Variants in HECTD4 observed in about 807,000 individuals in gnomAD.
HECTD4 encodes HECT domain E3 ubiquitin protein ligase 4, also known as probable E3 ubiquitin-protein ligase HECTD4.
Under a neutral mutation model 471.5 loss-of-function variants are expected in HECTD4, and 114 were observed. The observed-to-expected ratio is 0.24, with a 90% confidence interval of 0.21 to 0.28. HECTD4 has a LOEUF of 0.28. Among genes scored for constraint, HECTD4 ranks in the 10% least tolerant of loss-of-function variants. HECTD4 has a pLI of 1.00. For synonymous variants in HECTD4, 2,012 were observed against 2,256.0 expected, an observed-to-expected ratio of 0.89 and a Z score of 3.07; for missense variants, 3,866 against 5,651.5, an observed-to-expected ratio of 0.68 and a Z score of 10.13.
intron 32 of HECTD4, among the ~76,000 whole-genome samples, chr12:112,240,466 T>TA (rs2033613780): frequency 6.6e-6 from 1 of 151,836 alleles, no homozygotes; most frequent in South Asian, 2.1e-4. Flanking sequence ...TTTTTTTTTT[T>TA]AGAGACAGGG....
At chr12:112,246,316 T>C (rs977662484) in intron 29 of HECTD4, among the ~76,000 whole-genome samples, 3 of 152,040 alleles carry the variant, frequency 2.0e-5, no homozygotes, top group Admixed American at 2.0e-4. Context: ...TATATGTTAC[T>C]ATGAAATATA....
Position 112,239,772 on chromosome 12 carries a change from T to A in HECTD4, c.5105+109A>T, listed in dbSNP as rs2033595004. 3.9e-6 allele frequency: 4 copies of A among 1,033,492 alleles called. No individual in the cohort carries two copies. The highest frequency in any genetic ancestry group is 4.1e-6 in the Non-Finnish European group (3 of 734,850). The allele number at this position is 1,033,492 out of a possible 1,614,324, so 64.0% of individuals were successfully genotyped here. ...AGGAGAAAAGTTTTGTATAGCTAGC[T>A]CTGGATAATGAAAGCAAAAAATCCA... On this transcript the variant is annotated intron_variant, in intron 33 of 75. Coordinates refer to ENST00000682272, the MANE Select transcript of HECTD4 (RefSeq NM_001388303.1). This position sits in a 1 kb window ranked among gnomAD's most constrained non-coding sequence, Gnocchi z 4.9.
At chr12:112,175,935 A>G in intron 65 of HECTD4, 76 bp from the exon 66 acceptor site, 1 of 1,557,978 alleles carries the variant, frequency 6.4e-7, no homozygotes, top group East Asian at 2.3e-5. Context: ...CTCTGCTCTC[A>G]CCACAGCCTC....
rs769538370 is a variant in HECTD4 at position 112,229,809 on chromosome 12, G to A, written c.6408C>T (p.Ser2136=). ...KYAESILENG[S]SSGRKLAKLQ... is the part of the protein sequence containing the mutation. The stretch of plus-strand genomic sequence containing the variant: ...GTTTGGCAAGTTTCCTGCCACTGCT[G>A]CTGCCATTTTCCAGAATGCTTTCTG... The change falls in exon 41 of 76, where the codon AGC becomes AGT. Residue 2136 remains serine, a synonymous_variant. Transcript: ENST00000682272. 1 of 1,613,982 alleles carries A rather than the reference G, an allele frequency of 6.2e-7. No homozygotes were observed. The highest frequency in any genetic ancestry group is 8.5e-7 in the Non-Finnish European group (1 of 1,179,882).
intron 70 of HECTD4, 51 bp from the exon 71 acceptor site, chr12:112,167,968 G>A (rs1051807079): frequency 2.2e-6 from 3 of 1,377,634 alleles, no homozygotes; most frequent in African/African-American, 1.4e-5. Flanking sequence ...GGCGGGAGGC[G>A]ACACCGTTCC....
intron 44 of HECTD4, among the ~76,000 whole-genome samples, chr12:112,225,992 T>C (rs2033223708): frequency 6.6e-6 from 1 of 152,286 alleles, no homozygotes; most frequent in African/African-American, 2.4e-5. Flanking sequence ...GGTGTTGTAG[T>C]TATTTAAGAT....
chr12:112,226,432 G>T (rs1184482157), intron 44 of HECTD4: 2 of 422,522 alleles, frequency 4.7e-6, no homozygotes, highest in Non-Finnish European at 8.4e-6. Context: ...AAAGTTAATT[G>T]AAAAATGCTG....
Position 112,283,156 on chromosome 12 carries a change from G to A in HECTD4, c.1482C>T (p.Ala494=), listed in dbSNP as rs1160091057. The change falls in exon 8 of 76, where the codon GCC becomes GCT. Residue 494 remains alanine, a synonymous_variant. Coordinates refer to ENST00000682272, the MANE Select transcript of HECTD4 (RefSeq NM_001388303.1). Reference sequence around the variant, plus strand: ...TGTTGGAGATGGTGGAACCAGTCAGGGCAGCAAGCGTTGCTGACGGGGAGG... The same window carrying A: ...TGTTGGAGATGGTGGAACCAGTCAGAGCAGCAAGCGTTGCTGACGGGGAGG... ...YRASPSATLA[A]LTGSTISNTL... 2.5e-6 allele frequency: 4 copies of A among 1,613,744 alleles called. No individual in the cohort carries two copies. The highest frequency in any genetic ancestry group is 2.5e-6 in the Non-Finnish European group (3 of 1,179,782).
Position 112,232,569 on chromosome 12 carries a change from G to T in HECTD4, c.5997+435C>A, listed in dbSNP as rs530320154. Reference sequence around the variant, plus strand: ...TTGACTTGTCTGACAGATGAAAAATGATATATTACTATTGTTTTTATTCCT... The same window carrying T: ...TTGACTTGTCTGACAGATGAAAAATTATATATTACTATTGTTTTTATTCCT... On this transcript the variant is annotated intron_variant, in intron 38 of 75. Coordinates refer to ENST00000682272, the MANE Select transcript of HECTD4 (RefSeq NM_001388303.1). 2.0e-5 allele frequency among the ~76,000 whole-genome samples: 3 copies of T among 152,258 alleles called. No individual in the cohort carries two copies. The South Asian group carries it at 6.2e-4, about 32-fold the overall frequency.
At chr12:112,226,203 ACACACT>A (rs370026686) in intron 44 of HECTD4, among the ~76,000 whole-genome samples, 26 of 146,554 alleles carry the variant, frequency 1.8e-4, no homozygotes, top group East Asian at 1.3e-3. Flanking sequence ...ACACACACAC[ACACACT>A]CACACACACA....
At chr12:112,253,033 C>T (rs2033928649) in intron 22 of HECTD4, among the ~76,000 whole-genome samples, 1 of 151,898 alleles carries the variant, frequency 6.6e-6, no homozygotes, top group African/African-American at 2.4e-5. Context: ...ACGCTGGTCT[C>T]AAATTCTTGG....
At chr12:112,313,189 T>C (rs1480195740) in intron 3 of HECTD4, 42 bp from the exon 4 acceptor site, 1 of 1,487,224 alleles carries the variant, frequency 6.7e-7, no homozygotes. Context: ...ACTGAGACAA[T>C]CCATTTCAGC....
At chr12:112,346,162 C>T (rs2036146081) in intron 1 of HECTD4, among the ~76,000 whole-genome samples, 1 of 152,184 alleles carries the variant, frequency 6.6e-6, no homozygotes, top group Admixed American at 6.5e-5. Context: ...CCAAGGTTAC[C>T]TCACTTGTAA....
At chr12:112,192,225 G>A (rs1328099359) in intron 59 of HECTD4, among the ~76,000 whole-genome samples, 1 of 152,214 alleles carries the variant, frequency 6.6e-6, no homozygotes, top group African/African-American at 2.4e-5. Flanking sequence ...AATGGCAACT[G>A]GGATTATCAT....
At chr12:112,232,243 GC>G (rs1355597070) in intron 38 of HECTD4, among the ~76,000 whole-genome samples, 1 of 152,160 alleles carries the variant, frequency 6.6e-6, no homozygotes, top group African/African-American at 2.4e-5. Context: ...CGATTCTCCT[GC>G]CTCAGCCTCC....
At position 112,270,473 on chromosome 12, in the gene HECTD4, A is replaced by G. The variant is rs2034391516; in HGVS notation, c.1943-14T>C. The G allele has an allele frequency of 6.2e-7, 1 of 1,603,884 alleles. No homozygotes were observed. Among genetic ancestry groups the G allele is most frequent in the Non-Finnish European group, 8.5e-7 (1 of 1,170,892 alleles). On this transcript the variant is annotated splice_polypyrimidine_tract_variant and intron_variant, in intron 11 of 75. Transcript: ENST00000682272. ...TTATAGCCTCTTCTAGAAGATGAAA[A>G]GGAAACTGAGTGAGGAAAGACATCT...
At chr12:112,226,618 T>A (rs2033247246) in intron 44 of HECTD4, 25 bp downstream of exon 44, 2 of 1,455,288 alleles carry the variant, frequency 1.4e-6, no homozygotes, top group Non-Finnish European at 1.9e-6. Flanking sequence ...TAAAACAGGG[T>A]GGTAAGGCAA....
chr12:112,207,775 A>G (rs1249023737), intron 52 of HECTD4, 99 bp downstream of exon 52: 1 of 1,364,240 alleles, frequency 7.3e-7, no homozygotes, highest in African/African-American at 1.4e-5. Flanking sequence ...GTATGGTGCA[A>G]CATTAGATGA....
chr12:112,174,369 G>A (rs2031356119), intron 66 of HECTD4, among the ~76,000 whole-genome samples: 1 of 151,354 alleles, frequency 6.6e-6, no homozygotes, highest in African/African-American at 2.4e-5. Flanking sequence ...GGGTTCAAGC[G>A]ATTCTCCTGC....
Sources: allele counts gnomAD v4.1 joint callset (sites outside exome capture counted in the v4.1 genomes callset), GRCh38; gene constraint gnomAD v4.1.1; non-coding constraint Gnocchi (gnomAD v3.1); transcripts MANE v1.5; gene names NCBI Gene and HGNC (gene_info 2026-07-23, HGNC 2026-07-21).